KIF26B: variants seen among roughly 807,000 people sequenced by gnomAD.
The protein encoded by KIF26B is kinesin family member 26B.
In KIF26B, 63 loss-of-function variants were observed where a neutral mutation model predicts 151.2. The observed-to-expected ratio is 0.42, with a 90% CI of 0.34 to 0.51. KIF26B has a LOEUF of 0.51. Among genes scored for constraint, KIF26B ranks in the 20% least tolerant of loss-of-function variants. The pLI, the probability that KIF26B is intolerant of heterozygous loss-of-function variation, is 0.07. For synonymous variants in KIF26B, 1,357 were observed against 1,262.1 expected, an observed-to-expected ratio of 1.08 and a Z score of -1.59; for missense variants, 2,813 against 2,913.6, an observed-to-expected ratio of 0.97 and a Z score of 0.79.
chr1:245,520,161 A>G (rs1396278868), intron 4 of KIF26B, among the ~76,000 whole-genome samples: 1 of 131,422 alleles, frequency 7.6e-6, no homozygotes, highest in Non-Finnish European at 1.6e-5. Flanking sequence ...TTCCCCAGCT[A>G]GTCTGGCAGC....
chr1:245,260,596 G>A (rs796615365), intron 2 of KIF26B, among the ~76,000 whole-genome samples: 6 of 152,296 alleles, frequency 3.9e-5, no homozygotes, highest in East Asian at 1.9e-4. Flanking sequence ...CATGTGTACC[G>A]GTTTGCGGTC....
At chr1:245,302,792 C>T (rs916915708) in intron 2 of KIF26B, among the ~76,000 whole-genome samples, 8 of 152,056 alleles carry the variant, frequency 5.3e-5, no homozygotes, top group Non-Finnish European at 1.2e-4. Flanking sequence ...AGTTTGAGAC[C>T]AGCCTGCCCA....
intron 14 of KIF26B, among the ~76,000 whole-genome samples, chr1:245,701,681 G>A (rs550717170): frequency 6.6e-5 from 10 of 152,320 alleles, no homozygotes; most frequent in African/African-American, 2.2e-4. Context: ...GGCAGGCAGC[G>A]TAGGAGTTAC....
At chr1:245,335,863 G>A (rs960928154) in intron 2 of KIF26B, among the ~76,000 whole-genome samples, 10 of 144,038 alleles carry the variant, frequency 6.9e-5, no homozygotes. Context: ...AGGGAAAGGA[G>A]GGTCCCACGA....
chr1:245,279,235 G>T (rs989733), intron 2 of KIF26B, among the ~76,000 whole-genome samples: 83,900 of 151,350 alleles, frequency 0.55, 23,541 homozygotes, highest in East Asian at 0.69. Flanking sequence ...CACTCCTTCT[G>T]TATTGTTTTA....
intron 2 of KIF26B, among the ~76,000 whole-genome samples, chr1:245,173,386 A>G (rs1573687467): frequency 6.6e-6 from 1 of 152,294 alleles, no homozygotes; most frequent in East Asian, 1.9e-4. Context: ...ACACACGGAA[A>G]GTAGTATAAG....
chr1:245,162,671 T>C lies in KIF26B; in HGVS notation c.465+5988T>C, dbSNP rs532637312. 2.2e-4 allele frequency among the ~76,000 whole-genome samples: 33 copies of C among 152,200 alleles called. 1 individual carries two copies. The South Asian group carries it at 6.9e-3, about 32-fold the overall frequency. On this transcript the variant is annotated intron_variant, in intron 2 of 14. Transcript: ENST00000407071. ...AGTGCTGGGATTACAGGCAGAAATATCTTATTTTAAAGTACATTCGTGTAG... is the reference window on the plus strand; with the variant it reads ...AGTGCTGGGATTACAGGCAGAAATACCTTATTTTAAAGTACATTCGTGTAG...
Position 245,560,146 on chromosome 1 carries a change from C to G in KIF26B, c.1350+19196C>G, listed in dbSNP as rs1011465491. The stretch of plus-strand genomic sequence containing the variant: ...TGTGCCTGTGTCCCCTACTCCAGAC[C>G]GTGAGTTGTGGATGAAAGGGGCTGT... On this transcript the variant is annotated intron_variant, in intron 5 of 14. Transcript: ENST00000407071. This position sits in a 1 kb window ranked among gnomAD's most constrained non-coding sequence, Gnocchi z 4.3. Among the ~76,000 whole-genome samples the G allele has an allele frequency of 6.6e-6, 1 of 152,130 alleles. No individual in the cohort carries two copies. The highest frequency in any genetic ancestry group is 2.4e-5 in the African/African-American group (1 of 41,398).
intron 8 of KIF26B, among the ~76,000 whole-genome samples, chr1:245,610,792 G>A (rs891644773): frequency 3.3e-5 from 5 of 152,156 alleles, no homozygotes; most frequent in African/African-American, 4.8e-5. Context: ...TTTCCATAGC[G>A]AGACAAAATT....
intron 10 of KIF26B, among the ~76,000 whole-genome samples, chr1:245,682,845 T>C (rs1429104359): frequency 1.3e-5 from 2 of 152,154 alleles, no homozygotes; most frequent in South Asian, 4.1e-4. Context: ...CCTCGTCGAG[T>C]GCGGCTGTCC....
At chr1:245,303,322 C>T (rs915467920) in intron 2 of KIF26B, among the ~76,000 whole-genome samples, 2 of 150,944 alleles carry the variant, frequency 1.3e-5, no homozygotes, top group South Asian at 2.1e-4. Flanking sequence ...CCTCAGCCTC[C>T]CGAGTAGCTG....
intron 2 of KIF26B, among the ~76,000 whole-genome samples, chr1:245,197,671 T>C (rs1057458696): frequency 1.3e-5 from 2 of 152,130 alleles, no homozygotes; most frequent in African/African-American, 4.8e-5. Flanking sequence ...TACATGCTGA[T>C]TATAAAGAAT....
At chr1:245,574,613 C>T (rs2043098124) in intron 5 of KIF26B, among the ~76,000 whole-genome samples, 1 of 152,156 alleles carries the variant, frequency 6.6e-6, no homozygotes, top group African/African-American at 2.4e-5. Context: ...TGGAGTCCAC[C>T]TTCTGCCCCT....
At chr1:245,205,205 C>T (rs905013457) in intron 2 of KIF26B, among the ~76,000 whole-genome samples, 1 of 152,150 alleles carries the variant, frequency 6.6e-6, no homozygotes, top group Admixed American at 6.5e-5. Flanking sequence ...CCTTTCTGAT[C>T]CACTGGCTTT....
intron 9 of KIF26B, among the ~76,000 whole-genome samples, chr1:245,631,384 CTTG>C (rs1230746894): frequency 6.6e-6 from 1 of 151,994 alleles, no homozygotes; most frequent in African/African-American, 2.4e-5. Context: ...TTGAGATGAT[CTTG>C]TTGTTTTAGT....
chr1:245,623,499 A>G (rs746972121), intron 9 of KIF26B, among the ~76,000 whole-genome samples: 1 of 152,196 alleles, frequency 6.6e-6, no homozygotes, highest in African/African-American at 2.4e-5. Flanking sequence ...CTTGATGGAC[A>G]TTTCTGTTGT....
intron 2 of KIF26B, among the ~76,000 whole-genome samples, chr1:245,171,990 T>TA (rs2103522799): frequency 1.3e-5 from 2 of 152,322 alleles, no homozygotes; most frequent in Admixed American, 1.3e-4. Flanking sequence ...AAGTAAAACT[T>TA]ACACTTTTAG....
intron 2 of KIF26B, among the ~76,000 whole-genome samples, chr1:245,165,940 A>G (rs1035236981): frequency 7.9e-5 from 12 of 152,232 alleles, no homozygotes; most frequent in Admixed American, 5.9e-4. Context: ...CTCAGGCAGC[A>G]TTTGAGTTGC....
At chr1:245,398,600 C>A in intron 3 of KIF26B, among the ~76,000 whole-genome samples, 3 of 152,066 alleles carry the variant, frequency 2.0e-5, no homozygotes. Flanking sequence ...TGATGAGAGG[C>A]GAGCCCTTTA....
Sources: gnomAD v4.1 joint callset for allele counts (sites outside exome capture counted in the v4.1 genomes callset) on GRCh38, gnomAD v4.1.1 for gene constraint, Gnocchi (gnomAD v3.1) non-coding constraint, MANE v1.5 for transcripts, NCBI Gene and HGNC (gene_info 2026-07-23, HGNC 2026-07-21) for gene names.